Variants in LCTL observed in about 807,000 individuals in gnomAD.
The protein encoded by LCTL is lactase-like protein.
LCTL carries 76 observed loss-of-function variants against 75.8 expected under a neutral mutation model. The ratio of observed to expected loss-of-function variants is 1.00; its 90% CI spans 0.83 to 1.21. The LOEUF (loss-of-function observed/expected upper bound fraction) is 1.21. Ranked by LOEUF, LCTL falls within the 50% of genes most tolerant of loss-of-function variation. The pLI is 0.00. For missense variants in LCTL, 670 were observed against 712.4 expected, an observed-to-expected ratio of 0.94 and a Z score of 0.68; for synonymous variants, 271 against 268.8, an observed-to-expected ratio of 1.01 and a Z score of -0.08.
chr15:66,555,501 A>T (rs1390895614), intron 8 of LCTL, among the ~76,000 whole-genome samples: 2 of 152,022 alleles, frequency 1.3e-5, no homozygotes, highest in East Asian at 3.8e-4. Flanking sequence ...AGATCGCACC[A>T]CTGCACTCCA....
In LCTL at chr15:66,565,291, C is replaced by T. The variant is rs141415933; in HGVS notation, c.75G>A (p.Gly25=). Residue 25 remains glycine, a synonymous_variant, in exon 1 of 13, where the codon GGG becomes GGA. Transcript: ENST00000341509. ...AGTAGAAGGAGGCCTCTTCTGGGGA[C>T]CCCTTCCGGGCGGCCCCCAGCCTGG... The T allele has an allele frequency of 2.8e-5, 45 of 1,613,736 alleles. No homozygotes were observed. The African/African-American group carries it at 5.9e-4, about 21-fold the overall frequency.
chr15:66,552,079 G>T, exon 10 of LCTL: 1 of 1,613,122 alleles, frequency 6.2e-7, no homozygotes, highest in Non-Finnish European at 8.5e-7. Flanking sequence ...TTAAGGTATT[G>T]AATTCTCCAC....
chr15:66,563,140 C>T, intron 4 of LCTL, among the ~76,000 whole-genome samples: 1 of 152,132 alleles, frequency 6.6e-6, no homozygotes, highest in East Asian at 1.9e-4. Context: ...GGGCTCTTCT[C>T]TCTTGAATGG....
At chr15:66,563,774 G>A in intron 3 of LCTL, 137 bp downstream of exon 4, 1 of 850,556 alleles carries the variant, frequency 1.2e-6, no homozygotes, top group Non-Finnish European at 1.9e-6. Flanking sequence ...GTTACCTGCA[G>A]AACCTGTGAG....
chr15:66,558,156 GT>G, intron 6 of LCTL, 120 bp from the exon 8 acceptor site: 1 of 747,708 alleles, frequency 1.3e-6, no homozygotes, highest in Non-Finnish European at 2.0e-6. Context: ...ATCCAGCCTT[GT>G]TTATCCCGAT....
chr15:66,556,265 A>T (rs1282904906), intron 8 of LCTL, among the ~76,000 whole-genome samples: 2 of 152,152 alleles, frequency 1.3e-5, no homozygotes, highest in African/African-American at 4.8e-5. Flanking sequence ...CTATTGATGG[A>T]TGAATGAATA....
intron 3 of LCTL, 65 bp downstream of exon 4, chr15:66,563,846 C>T (rs1417598155): frequency 7.0e-6 from 9 of 1,277,680 alleles, no homozygotes; most frequent in Non-Finnish European, 1.0e-5. Flanking sequence ...TCTGTGGTGC[C>T]CCTGCAAAGC....
intron 2 of LCTL, 194 bp downstream of exon 3, chr15:66,564,482 G>T: frequency 1.7e-6 from 1 of 602,828 alleles, no homozygotes; most frequent in Non-Finnish European, 2.8e-6. Flanking sequence ...CTCACATCCT[G>T]GCCCCTCCCA....
chr15:66,564,697 ACAGGCTACATCTGCCGTCT>A lies in LCTL; in HGVS notation c.242_260del (p.Glu81ValfsTer14). On this transcript the variant is annotated frameshift_variant, in exon 2 of 13. Transcript: ENST00000341509. LOFTEE classifies it high-confidence loss of function. ...TCACCTGGACCTTGTAGTAGCCGTCACAGGCTACATCTGCCGTCTCATTCCCAAGCACTTTCCCCTTCCC... is the reference window on the plus strand; with the variant it reads ...TCACCTGGACCTTGTAGTAGCCGTCACATTCCCAAGCACTTTCCCCTTCCC... 1 of 1,613,022 alleles carries A rather than the reference ACAGGCTACATCTGCCGTCT, an allele frequency of 6.2e-7. No homozygotes were observed. Among genetic ancestry groups the A allele is most frequent in the Non-Finnish European group, 8.5e-7 (1 of 1,179,982 alleles).
exon 13 of LCTL, chr15:66,548,559 G>C: frequency 6.2e-7 from 1 of 1,613,470 alleles, no homozygotes; most frequent in Non-Finnish European, 8.5e-7. Context: ...AGCAGACAGT[G>C]GGTACCACGA....
chr15:66,551,587 C>A (rs570664243), intron 11 of LCTL, 75 bp downstream of exon 12: 33 of 1,233,688 alleles, frequency 2.7e-5, no homozygotes, highest in Non-Finnish European at 3.8e-5. Context: ...GAGAAACTTG[C>A]CAAGTTCTTT....
At chr15:66,551,345 CAAAAAA>C (rs67322943) in intron 11 of LCTL, among the ~76,000 whole-genome samples, 2 of 50,550 alleles carry the variant, frequency 4.0e-5, no homozygotes, top group East Asian at 9.7e-4. Flanking sequence ...GATTCTGTCT[CAAAAAA>C]AAAAAAAAAA....
intron 6 of LCTL, among the ~76,000 whole-genome samples, chr15:66,560,783 C>T (rs1895865280): frequency 6.6e-6 from 1 of 152,204 alleles, no homozygotes; most frequent in Non-Finnish European, 1.5e-5. Flanking sequence ...GTCCCCTTGG[C>T]TAGGCTGTAA....
At position 66,563,518 on chromosome 15, in the gene LCTL, G is replaced by A; in HGVS notation, c.478C>T (p.Gln160Ter). Residue 160 changes from glutamine (Q) to a stop codon, truncating the protein, a stop_gained and splice_region_variant, in exon 4 of 13, where the codon CAG (glutamine) becomes TAG (stop). Coordinates refer to ENST00000341509, the Ensembl canonical transcript of LCTL. LOFTEE classifies it high-confidence loss of function. ...TGTGAGCCTGCTCAGGTCCTCACCT[G>A]TGGCAGATCCCAGTGGTGCAAGGTC... The A allele has an allele frequency of 1.2e-6, 2 of 1,609,226 alleles. No individual in the cohort carries two copies. The highest frequency in any genetic ancestry group is 1.7e-5 in the Admixed American group (1 of 60,006).
At chr15:66,563,163 T>G (rs1220512945) in intron 4 of LCTL, among the ~76,000 whole-genome samples, 2 of 152,166 alleles carry the variant, frequency 1.3e-5, no homozygotes, top group Non-Finnish European at 2.9e-5. Context: ...TTAGGTGCCC[T>G]TATAAAAAGA....
At chr15:66,564,161 C>T (rs1895963353) in intron 2 of LCTL, 163 bp from the exon 4 acceptor site, 1 of 617,298 alleles carries the variant, frequency 1.6e-6, no homozygotes, top group South Asian at 1.9e-5. Flanking sequence ...CACCTGCCCA[C>T]TTCATGCAGG....
At position 66,561,345 on chromosome 15, in the gene LCTL, G is replaced by A. The variant is rs76485286; in HGVS notation, c.481-30C>T. ...GAACACAGAGAAGCAGATGCCCCATGAATGAACCGCAAAGCGGTTTAAATG... is the reference window on the plus strand; with the variant it reads ...GAACACAGAGAAGCAGATGCCCCATAAATGAACCGCAAAGCGGTTTAAATG... On this transcript the variant is annotated intron_variant, in intron 4 of 12. Coordinates refer to ENST00000341509, the Ensembl canonical transcript of LCTL. The A allele has an allele frequency of 8.5e-4, 1,374 of 1,613,976 alleles. 10 individuals carry two copies. In the African/African-American group the frequency reaches 0.016, roughly 19 times the overall value.
At chr15:66,550,272 T>A in intron 11 of LCTL, 168 bp from the exon 13 acceptor site, 1 of 571,160 alleles carries the variant, frequency 1.8e-6, no homozygotes, top group Non-Finnish European at 3.1e-6. Flanking sequence ...TTACTGTACA[T>A]CCATGTACAT....
At position 66,564,857 on chromosome 15, in the gene LCTL, T is replaced by G; in HGVS notation, c.119-18A>C. ...GGAGAAGCCTGCAGGGGGAGACCCGTGCTGGGTCCCAGGTGCTCCCATGTG... is the reference window on the plus strand; with the variant it reads ...GGAGAAGCCTGCAGGGGGAGACCCGGGCTGGGTCCCAGGTGCTCCCATGTG... On this transcript the variant is annotated intron_variant, in intron 1 of 12. Coordinates refer to ENST00000341509, the Ensembl canonical transcript of LCTL. 6.2e-7 allele frequency: 1 copy of G among 1,605,540 alleles called. No homozygotes were observed. Among genetic ancestry groups the G allele is most frequent in the Non-Finnish European group, 8.5e-7 (1 of 1,178,496 alleles).
Sources: allele counts gnomAD v4.1 joint callset (sites outside exome capture counted in the v4.1 genomes callset), GRCh38; gene constraint gnomAD v4.1.1; transcripts MANE v1.5; gene names NCBI Gene and HGNC (gene_info 2026-07-23, HGNC 2026-07-21).